Variants in CADM2 observed in about 807,000 individuals in gnomAD.
CADM2 encodes cell adhesion molecule 2, also known as immunoglobulin superfamily member 4D.
Under a neutral mutation model 49.8 loss-of-function variants are expected in CADM2, and 12 were observed. The ratio of observed to expected loss-of-function variants is 0.24; its 90% CI spans 0.15 to 0.39. The LOEUF is 0.39. Among genes scored for constraint, CADM2 ranks in the 10% least tolerant of loss-of-function variants. CADM2 has a pLI of 1.00. For missense variants in CADM2, 378 were observed against 492.3 expected, an observed-to-expected ratio of 0.77 and a Z score of 2.20; for synonymous variants, 214 against 175.4, an observed-to-expected ratio of 1.22 and a Z score of -1.74.
At chr3:84,964,156 A>C (rs969778915) in intron 1 of CADM2, among the ~76,000 whole-genome samples, 1 of 152,242 alleles carries the variant, frequency 6.6e-6, no homozygotes, top group African/African-American at 2.4e-5. Context: ...TGTGTCCTTC[A>C]TTAGAAGATA....
At chr3:85,106,195 G>T (rs913348674) in intron 1 of CADM2, among the ~76,000 whole-genome samples, 2 of 152,138 alleles carry the variant, frequency 1.3e-5, no homozygotes, top group African/African-American at 2.4e-5. Flanking sequence ...AGGGAATGGA[G>T]AGCAGAGGTA....
intron 5 of CADM2, among the ~76,000 whole-genome samples, chr3:85,888,259 C>T (rs940614102): frequency 6.6e-6 from 1 of 152,116 alleles, no homozygotes; most frequent in South Asian, 2.1e-4. Flanking sequence ...CACATTGTAG[C>T]TGCATGACAA....
intron 8 of CADM2, among the ~76,000 whole-genome samples, chr3:86,011,767 T>C (rs1437700756): frequency 1.3e-5 from 2 of 151,836 alleles, no homozygotes; most frequent in Non-Finnish European, 2.9e-5. Flanking sequence ...AAAAGAAAAA[T>C]GCTAGAAATA....
chr3:85,059,713 A>G (rs915851602), intron 1 of CADM2, among the ~76,000 whole-genome samples: 4 of 152,124 alleles, frequency 2.6e-5, no homozygotes, highest in African/African-American at 9.7e-5. Context: ...TCCCTGCACA[A>G]GGTCTCTTCT....
chr3:85,336,065 T>A (rs1413014395), intron 1 of CADM2, among the ~76,000 whole-genome samples: 1 of 151,494 alleles, frequency 6.6e-6, no homozygotes, highest in Non-Finnish European at 1.5e-5. Context: ...TGGTACCCAA[T>A]TTCATAGGTT....
chr3:85,868,182 A>G (rs184627319), intron 3 of CADM2, among the ~76,000 whole-genome samples: 1 of 152,124 alleles, frequency 6.6e-6, no homozygotes, highest in African/African-American at 2.4e-5. Flanking sequence ...TACATTTTCT[A>G]TTTTATTATA....
intron 6 of CADM2, among the ~76,000 whole-genome samples, chr3:85,919,571 A>G (rs756851561): frequency 6.6e-5 from 10 of 151,936 alleles, no homozygotes; most frequent in Non-Finnish European, 1.5e-4. Flanking sequence ...TAAATGGTCA[A>G]TTGACAGTCC....
At chr3:85,910,908 G>C (rs1717498186) in intron 5 of CADM2, among the ~76,000 whole-genome samples, 1 of 152,136 alleles carries the variant, frequency 6.6e-6, no homozygotes, top group Non-Finnish European at 1.5e-5. Flanking sequence ...GTGAAAGTTA[G>C]TGAACATGCA....
intron 1 of CADM2, among the ~76,000 whole-genome samples, chr3:85,283,303 A>G (rs771193902): frequency 1.3e-5 from 2 of 151,660 alleles, no homozygotes; most frequent in East Asian, 3.9e-4. Flanking sequence ...GGTAGTAGTA[A>G]TTTAGAAAGT....
At chr3:85,160,660 A>G (rs2040294606) in intron 1 of CADM2, among the ~76,000 whole-genome samples, 1 of 152,198 alleles carries the variant, frequency 6.6e-6, no homozygotes, top group Non-Finnish European at 1.5e-5. Flanking sequence ...TAAAAACATT[A>G]CTTCAAGTTA....
At chr3:84,992,841 A>T (rs2032969003) in intron 1 of CADM2, among the ~76,000 whole-genome samples, 1 of 152,190 alleles carries the variant, frequency 6.6e-6, no homozygotes, top group African/African-American at 2.4e-5. Context: ...AAAACTTGCT[A>T]CGTCATGATA....
intron 1 of CADM2, among the ~76,000 whole-genome samples, chr3:85,197,191 A>G (rs755723671): frequency 5.9e-5 from 9 of 151,882 alleles, no homozygotes; most frequent in Non-Finnish European, 1.2e-4. Flanking sequence ...GAGTTATTGA[A>G]CAAAATGGAC....
At chr3:85,908,404 G>A (rs1196426980) in intron 5 of CADM2, among the ~76,000 whole-genome samples, 1 of 151,090 alleles carries the variant, frequency 6.6e-6, no homozygotes, top group Non-Finnish European at 1.5e-5. Context: ...TGAATATAAG[G>A]AGATTGCTAT....
intron 1 of CADM2, among the ~76,000 whole-genome samples, chr3:85,632,720 T>C (rs2064349671): frequency 6.6e-6 from 1 of 152,004 alleles, no homozygotes; most frequent in South Asian, 2.1e-4. Flanking sequence ...ATTTTGGAAA[T>C]TTTTCAGTGC....
At chr3:85,227,701 C>T (rs149817847) in intron 1 of CADM2, among the ~76,000 whole-genome samples, 93 of 151,894 alleles carry the variant, frequency 6.1e-4, no homozygotes, top group Non-Finnish European at 1.2e-3. Context: ...GTTATTTTTC[C>T]TGTTAGTTGA....
intron 1 of CADM2, among the ~76,000 whole-genome samples, chr3:85,495,318 A>G (rs1027780422): frequency 1.3e-5 from 2 of 152,158 alleles, no homozygotes; most frequent in African/African-American, 2.4e-5. Flanking sequence ...ATAGGGGCAG[A>G]TGGTTTAAAA....
Position 86,071,012 on chromosome 3 carries a change from C to A in CADM2, c.*4229C>A, listed in dbSNP as rs1248513994. 7 of 151,912 alleles carry A rather than the reference C, an allele frequency of 4.6e-5. No individual in the cohort carries two copies. Among genetic ancestry groups the A allele is most frequent in the Non-Finnish European group, 1.0e-4 (7 of 67,818 alleles). 9.4% of individuals were successfully genotyped at this position (151,912 alleles called of 1,614,324 possible). A position where few individuals can be genotyped will look rare whatever the true frequency, so the allele number is the denominator to read the frequency against. ...AGAGGTTGCTAATCTTCACCTCTCACATACTAAAGCATTCATTAAAAATAC... is the reference window on the plus strand; with the variant it reads ...AGAGGTTGCTAATCTTCACCTCTCAAATACTAAAGCATTCATTAAAAATAC... On this transcript the variant is annotated 3_prime_UTR_variant, in exon 10 of 10. Coordinates refer to ENST00000383699, the MANE Select transcript of CADM2 (RefSeq NM_001167675.2).
At chr3:85,949,001 A>T (rs923941672) in intron 7 of CADM2, among the ~76,000 whole-genome samples, 1 of 151,428 alleles carries the variant, frequency 6.6e-6, no homozygotes, top group African/African-American at 2.4e-5. Context: ...GGTGGACTTA[A>T]GCACCACCAC....
chr3:85,376,671 G>C (rs763818748), intron 1 of CADM2, among the ~76,000 whole-genome samples: 2 of 151,834 alleles, frequency 1.3e-5, no homozygotes, highest in Non-Finnish European at 2.9e-5. Flanking sequence ...TCACTAATGC[G>C]ACATCCTGAT....
Sources: allele counts gnomAD v4.1 joint callset (sites outside exome capture counted in the v4.1 genomes callset), GRCh38; gene constraint gnomAD v4.1.1; transcripts MANE v1.5; gene names NCBI Gene and HGNC (gene_info 2026-07-23, HGNC 2026-07-21).